HTT: variants seen among roughly 807,000 people sequenced by gnomAD.
The protein encoded by HTT is huntingtin.
HTT carries 104 observed loss-of-function variants against 362.3 expected under a neutral mutation model. The ratio of observed to expected loss-of-function variants is 0.29; its 90% confidence interval spans 0.24 to 0.34. The LOEUF (loss-of-function observed/expected upper bound fraction) is 0.34. Among genes scored for constraint, HTT ranks in the 10% least tolerant of loss-of-function variants. The pLI is 1.00. For missense variants in HTT, 3,301 were observed against 3,928.6 expected (o/e 0.84, Z 4.27); for synonymous variants, 1,577 against 1,548.7 (o/e 1.02, Z -0.43).
At chr4:3,224,316 C>A (rs575591365) in intron 56 of HTT, among the ~76,000 whole-genome samples, 185 bp downstream of exon 56, 1 of 152,310 alleles carries the variant, frequency 6.6e-6, no homozygotes, top group East Asian at 1.9e-4. Context: ...GAAGTAAAAT[C>A]TGGAAATGAA....
At position 3,241,120 on chromosome 4, in the gene HTT, G is replaced by A. The variant is rs750039820; in HGVS notation, c.*1061G>A. 4.6e-5 allele frequency: 7 copies of A among 152,512 alleles called. No individual in the cohort carries two copies. Among genetic ancestry groups the A allele is most frequent in the African/African-American group, 1.4e-4 (6 of 41,456 alleles). 9.4% of individuals were successfully genotyped at this position (152,512 alleles called of 1,614,324 possible). A position where few individuals can be genotyped will look rare whatever the true frequency, so the allele number is the denominator to read the frequency against. ...CGTCTGCCTAGGAGCTGGCTGGCAG[G>A]TGTTGGGACCTGCTGCTCCATGGAT... is the stretch of plus-strand genomic sequence containing the variant. On this transcript the variant is annotated 3_prime_UTR_variant, in exon 67 of 67. Coordinates refer to ENST00000355072, the MANE Select transcript of HTT (RefSeq NM_001388492.1).
At position 3,229,907 on chromosome 4, in the gene HTT, G is replaced by C; in HGVS notation, c.8130G>C (p.Leu2710Phe). The part of the protein sequence containing the change: ...VVRSLLVVSD[L>F]FTERNQFELM... ...TCCAGCTTCTAGTGGTCTCAGACTT[G>C]TTCACCGAGCGCAACCAGTTTGAGC... Residue 2710 changes from leucine to phenylalanine, a missense_variant, in exon 60 of 67, where the codon TTG becomes TTC. Physicochemically the swap from Leu to Phe is conservative, Grantham distance 22. Transcript: ENST00000355072. 6.2e-7 allele frequency: 1 copy of C among 1,614,210 alleles called. No individual in the cohort carries two copies. Among genetic ancestry groups the C allele is most frequent in the East Asian group, 2.2e-5 (1 of 44,890 alleles).
At chr4:3,165,912 C>G (rs139794275) in intron 29 of HTT, among the ~76,000 whole-genome samples, 9 of 152,210 alleles carry the variant, frequency 5.9e-5, no homozygotes, top group Non-Finnish European at 1.2e-4. Context: ...CTACTTCTGT[C>G]AATTCATCAA....
chr4:3,106,845 G>A (rs1387421219), intron 5 of HTT, among the ~76,000 whole-genome samples: 2 of 152,176 alleles, frequency 1.3e-5, no homozygotes, highest in Non-Finnish European at 2.9e-5. Context: ...TCTGTGTGTT[G>A]GGTGAATTCC....
chr4:3,173,462 G>A (rs1255470565), intron 31 of HTT, among the ~76,000 whole-genome samples: 1 of 152,090 alleles, frequency 6.6e-6, no homozygotes, highest in Non-Finnish European at 1.5e-5. Context: ...AGTTCATAAT[G>A]TCCCCACCCA....
Position 3,103,896 on chromosome 4 carries a change from T to A in HTT, c.528+13T>A. 6.4e-7 allele frequency: 1 copy of A among 1,556,952 alleles called. No individual in the cohort carries two copies. ...GGAAATTAAAAAGGTGGGCCTTGCTTTTCTTTTTTAAAAATGTTTTAAATT... is the reference window on the plus strand; with the variant it reads ...GGAAATTAAAAAGGTGGGCCTTGCTATTCTTTTTTAAAAATGTTTTAAATT... On this transcript the variant is annotated intron_variant, in intron 4 of 66. Transcript: ENST00000355072.
chr4:3,075,196 C>CAG (rs1560535575), intron 1 of HTT, 108 bp downstream of exon 1: 1 of 1,059,666 alleles, frequency 9.4e-7, no homozygotes, highest in Non-Finnish European at 1.2e-6. Flanking sequence ...CCCGGCCCCG[C>CAG]AGAGACAGAG....
At chr4:3,145,319 GTCTTTTATCAATT>G in intron 24 of HTT, 91 bp downstream of exon 24, 1 of 960,016 alleles carries the variant, frequency 1.0e-6, no homozygotes, top group Middle Eastern at 2.1e-4. Context: ...TTCTTTTTAA[GTCTTTTATCAATT>G]TGGCTTTTTG....
intron 50 of HTT, 102 bp from the exon 51 acceptor site, chr4:3,215,007 AT>A: frequency 1.1e-6 from 1 of 887,634 alleles, no homozygotes; most frequent in Non-Finnish European, 1.8e-6. Flanking sequence ...TAGTCTGTCT[AT>A]CCCTTTCAAC....
At chr4:3,075,267 C>G (rs1712458167) in intron 1 of HTT, among the ~76,000 whole-genome samples, 179 bp downstream of exon 1, 1 of 152,230 alleles carries the variant, frequency 6.6e-6, no homozygotes, top group Admixed American at 6.5e-5. Flanking sequence ...AGGCCTTCCC[C>G]CACTTCAGCC....
intron 45 of HTT, among the ~76,000 whole-genome samples, chr4:3,207,662 A>G: frequency 6.6e-6 from 1 of 152,332 alleles, no homozygotes; most frequent in East Asian, 1.9e-4. Flanking sequence ...GTGGGAAAAT[A>G]GGTTATCAGG....
At chr4:3,167,010 G>C (rs1717748759) in intron 29 of HTT, among the ~76,000 whole-genome samples, 1 of 152,200 alleles carries the variant, frequency 6.6e-6, no homozygotes, top group Non-Finnish European at 1.5e-5. Flanking sequence ...GAAATCACCT[G>C]TCTTCTGTGT....
At chr4:3,167,206 G>A (rs1380802515) in intron 29 of HTT, among the ~76,000 whole-genome samples, 2 of 152,150 alleles carry the variant, frequency 1.3e-5, no homozygotes, top group African/African-American at 2.4e-5. Flanking sequence ...GGAGTAGCTG[G>A]GATTACAGGC....
At chr4:3,235,881 C>T in intron 63 of HTT, 103 bp downstream of exon 63, 3 of 942,742 alleles carry the variant, frequency 3.2e-6, no homozygotes, top group Non-Finnish European at 4.9e-6. Flanking sequence ...TCTGATTTCA[C>T]ACTTCTGGTG....
At chr4:3,143,765 G>T (rs1370241739) in intron 23 of HTT, among the ~76,000 whole-genome samples, 3 of 151,574 alleles carry the variant, frequency 2.0e-5, no homozygotes, top group Admixed American at 1.3e-4. Flanking sequence ...CACCATGCCC[G>T]GCTAATTTTG....
chr4:3,201,451 A>G (rs532825056), intron 41 of HTT, among the ~76,000 whole-genome samples: 25 of 150,008 alleles, frequency 1.7e-4, no homozygotes, highest in African/African-American at 5.9e-4. Flanking sequence ...AATCGCTTGA[A>G]CCTAGGAGGA....
At chr4:3,204,458 A>G (rs1262585732) in intron 42 of HTT, among the ~76,000 whole-genome samples, 7 of 152,210 alleles carry the variant, frequency 4.6e-5, no homozygotes, top group Non-Finnish European at 8.8e-5. Context: ...GAGGGAAGCA[A>G]TGGAATAATA....
At chr4:3,182,613 T>A in intron 37 of HTT, 143 bp downstream of exon 37, 1 of 662,056 alleles carries the variant, frequency 1.5e-6, no homozygotes, top group East Asian at 2.5e-5. Flanking sequence ...ATGGGACAGC[T>A]GACTTCATTT....
chr4:3,188,092 T>C (rs1718850340), intron 39 of HTT: 1 of 514,538 alleles, frequency 1.9e-6, no homozygotes. Context: ...TCATGTTCTG[T>C]CTCTTGTCCT....
Sources: gnomAD v4.1 joint callset for allele counts (sites outside exome capture counted in the v4.1 genomes callset) on GRCh38, gnomAD v4.1.1 for gene constraint, MANE v1.5 for transcripts, NCBI Gene and HGNC (gene_info 2026-07-23, HGNC 2026-07-21) for gene names.